Variants in MIA2 observed in about 807,000 individuals in gnomAD.
The protein encoded by MIA2 is melanoma inhibitory activity protein 2.
MIA2 carries 127 observed loss-of-function variants against 167.8 expected under a neutral mutation model. The observed-to-expected ratio is 0.76, with a 90% CI of 0.66 to 0.88. MIA2 has a LOEUF of 0.88. MIA2 is among the 40% of genes least tolerant of loss of function. MIA2 has a pLI of 0.00. For missense variants in MIA2, 1,690 were observed against 1,624.7 expected (o/e 1.04, Z -0.69); for synonymous variants, 552 against 541.9 (o/e 1.02, Z -0.26).
chr14:39,313,979 A>G (rs1196125081), intron 19 of MIA2, among the ~76,000 whole-genome samples: 1 of 152,230 alleles, frequency 6.6e-6, no homozygotes, highest in Non-Finnish European at 1.5e-5. Context: ...ATTTTACCTC[A>G]GAAAGAGCAA....
chr14:39,282,570 A>G (rs1179764742), intron 9 of MIA2, among the ~76,000 whole-genome samples: 2 of 151,842 alleles, frequency 1.3e-5, no homozygotes, highest in African/African-American at 2.4e-5. Flanking sequence ...TGTTCATCCC[A>G]TATATTTTCT....
chr14:39,283,998 A>T (rs1282940659), intron 9 of MIA2, among the ~76,000 whole-genome samples: 1 of 151,966 alleles, frequency 6.6e-6, no homozygotes, highest in Non-Finnish European at 1.5e-5. Flanking sequence ...TTGCAGCTTC[A>T]CCTCAAAGGA....
At chr14:39,282,728 A>G (rs975015172) in intron 9 of MIA2, among the ~76,000 whole-genome samples, 6 of 152,078 alleles carry the variant, frequency 3.9e-5, no homozygotes, top group African/African-American at 1.4e-4. Context: ...CACATGATAC[A>G]TGCTTGCCTG....
At chr14:39,244,730 C>G (rs2054211429) in intron 3 of MIA2, among the ~76,000 whole-genome samples, 1 of 151,776 alleles carries the variant, frequency 6.6e-6, no homozygotes, top group Admixed American at 6.6e-5. Context: ...ATCCTCACTT[C>G]CATTGGCTGT....
chr14:39,255,737 G>T (rs558088628), intron 6 of MIA2, among the ~76,000 whole-genome samples: 1 of 152,128 alleles, frequency 6.6e-6, no homozygotes, highest in Non-Finnish European at 1.5e-5. Flanking sequence ...ATCAACACAT[G>T]ATACTCACTT....
chr14:39,360,809 T>C (rs1189561497), intron 23 of MIA2, among the ~76,000 whole-genome samples: 1 of 152,214 alleles, frequency 6.6e-6, no homozygotes, highest in African/African-American at 2.4e-5. Context: ...TTTAGGTGTT[T>C]AATCCATCTT....
rs111616002 is a variant in MIA2 at position 39,267,353 on chromosome 14, C to G, written c.1888-9581C>G. ...CTCCGCAGTGGTCCACTCCGGTTGC[C>G]GGGTGCGGATTCGGGTTCCGGACCG... On this transcript the variant is annotated intron_variant, in intron 6 of 28. Transcript: ENST00000640607. The G allele has an allele frequency of 1.1e-4, 181 of 1,576,964 alleles. 2 individuals carry two copies. Among genetic ancestry groups the G allele is most frequent in the African/African-American group, 5.5e-4 (40 of 73,252 alleles).
intron 6 of MIA2, among the ~76,000 whole-genome samples, chr14:39,271,095 G>A (rs529905775): frequency 1.3e-5 from 2 of 152,076 alleles, no homozygotes; most frequent in Non-Finnish European, 2.9e-5. Context: ...TAGCTCTTAC[G>A]GGAAGTTCTT....
At chr14:39,340,043 A>T (rs1283164269) in intron 25 of MIA2, among the ~76,000 whole-genome samples, 1 of 152,086 alleles carries the variant, frequency 6.6e-6, no homozygotes, top group African/African-American at 2.4e-5. Context: ...GGGCCTCACT[A>T]TGTTGCCCAG....
chr14:39,340,919 A>T (rs1048174837), intron 25 of MIA2, among the ~76,000 whole-genome samples: 68 of 152,338 alleles, frequency 4.5e-4, no homozygotes, highest in African/African-American at 1.6e-3. Flanking sequence ...ATTAAGATAC[A>T]GGGACAAATG....
At chr14:39,294,855 G>C in intron 12 of MIA2, 70 bp from the exon 13 acceptor site, 1 of 984,654 alleles carries the variant, frequency 1.0e-6, no homozygotes, top group South Asian at 1.4e-5. Flanking sequence ...TGTGTTCTAG[G>C]GAGTATGTGT....
At chr14:39,343,442 C>T (rs571873210) in intron 25 of MIA2, among the ~76,000 whole-genome samples, 68 of 152,226 alleles carry the variant, frequency 4.5e-4, no homozygotes, top group African/African-American at 1.2e-3. Flanking sequence ...CCACCATGCC[C>T]GGCCTGTTTT....
At chr14:39,371,932 C>T (rs910722256) in intron 23 of MIA2, among the ~76,000 whole-genome samples, 1 of 151,914 alleles carries the variant, frequency 6.6e-6, no homozygotes, top group Non-Finnish European at 1.5e-5. Flanking sequence ...GTATTTACTA[C>T]TTCAGAAGGG....
chr14:39,349,722 G>C (rs1305342716), intron 28 of MIA2, among the ~76,000 whole-genome samples: 1 of 152,082 alleles, frequency 6.6e-6, no homozygotes, highest in Non-Finnish European at 1.5e-5. Flanking sequence ...AATTAGAATT[G>C]GGAATCACTA....
At chr14:39,318,094 A>G (rs2065818478) in intron 22 of MIA2, 83 bp downstream of exon 22, 1 of 999,898 alleles carries the variant, frequency 1.0e-6, no homozygotes. Flanking sequence ...GTTAAGCAAG[A>G]AAACTTGCAG....
chr14:39,315,778 C>T (rs570742162), intron 21 of MIA2, 60 bp downstream of exon 21: 26 of 1,122,124 alleles, frequency 2.3e-5, no homozygotes, highest in African/African-American at 7.9e-5. Flanking sequence ...TCAGAAGATA[C>T]GTTGTTTATT....
intron 13 of MIA2, among the ~76,000 whole-genome samples, chr14:39,297,539 G>T (rs983517588): frequency 1.3e-5 from 2 of 152,136 alleles, no homozygotes; most frequent in African/African-American, 4.8e-5. Context: ...GCTGGTGTCT[G>T]ACTGTTCAGT....
At chr14:39,333,359 A>C (rs2069391170) in intron 25 of MIA2, among the ~76,000 whole-genome samples, 1 of 152,162 alleles carries the variant, frequency 6.6e-6, no homozygotes, top group South Asian at 2.1e-4. Flanking sequence ...GAACAGCTCA[A>C]ATATTAGTTC....
At chr14:39,334,572 CTT>C (rs11305922) in intron 25 of MIA2, among the ~76,000 whole-genome samples, 43 of 147,974 alleles carry the variant, frequency 2.9e-4, no homozygotes, top group Admixed American at 8.0e-4. Context: ...GGGACTTAGG[CTT>C]TTTTTTTTTG....
Sources: allele counts gnomAD v4.1 joint callset (sites outside exome capture counted in the v4.1 genomes callset), GRCh38; gene constraint gnomAD v4.1.1; transcripts MANE v1.5; gene names NCBI Gene and HGNC (gene_info 2026-07-23, HGNC 2026-07-21).